Variants in ALK observed in about 807,000 individuals in gnomAD.
ALK encodes ALK tyrosine kinase receptor.
Under a neutral mutation model 163.1 loss-of-function variants are expected in ALK, and 74 were observed. The ratio of observed to expected loss-of-function variants is 0.45; its 90% CI spans 0.38 to 0.55. The LOEUF (loss-of-function observed/expected upper bound fraction) is 0.55. Ranked by LOEUF, ALK falls within the 20% of genes least tolerant of loss-of-function variation. The probability of loss-of-function intolerance (pLI) is 0.00; values close to 1 mark genes in which losing one functional copy is unlikely to be tolerated. For synonymous variants in ALK, 960 were observed against 843.2 expected, an observed-to-expected ratio of 1.14 and a Z score of -2.40; for missense variants, 2,063 against 2,105.3, an observed-to-expected ratio of 0.98 and a Z score of 0.39.
intron 1 of ALK, among the ~76,000 whole-genome samples, chr2:29,814,704 T>C (rs1018962419): frequency 6.6e-6 from 1 of 151,984 alleles, no homozygotes; most frequent in Non-Finnish European, 1.5e-5. Flanking sequence ...GAGTCAGGCA[T>C]GCCTAAGCCT....
intron 3 of ALK, among the ~76,000 whole-genome samples, chr2:29,613,917 G>C (rs1165772530): frequency 6.6e-6 from 1 of 152,180 alleles, no homozygotes; most frequent in East Asian, 1.9e-4. Context: ...AGGAAAAAGG[G>C]GGGGTTCTAC....
At chr2:29,328,671 G>A (rs889753992) in intron 5 of ALK, among the ~76,000 whole-genome samples, 190 bp from the exon 6 acceptor site, 1 of 152,216 alleles carries the variant, frequency 6.6e-6, no homozygotes, top group Non-Finnish European at 1.5e-5. Flanking sequence ...GCAGGGAGAG[G>A]GGTCAAAACC....
chr2:29,269,066 G>T (rs1018038166), intron 11 of ALK, among the ~76,000 whole-genome samples: 1 of 152,132 alleles, frequency 6.6e-6, no homozygotes, highest in Admixed American at 6.5e-5. Flanking sequence ...GCATAGCTGG[G>T]GTTTGGACAC....
rs184982093 is a variant in ALK at position 29,873,877 on chromosome 2, G to A, written c.667+46116C>T. Among the ~76,000 whole-genome samples the A allele has an allele frequency of 1.3e-4, 19 of 151,934 alleles. No homozygotes were observed. In the East Asian group the frequency reaches 3.5e-3, roughly 28 times the overall value. ...CACCTCCACTCTGGGCATCAAAATCGCTTTTAATGTCCCCAACAAAGCAGT... is the reference window on the plus strand; with the variant it reads ...CACCTCCACTCTGGGCATCAAAATCACTTTTAATGTCCCCAACAAAGCAGT... On this transcript the variant is annotated intron_variant, in intron 1 of 28. Transcript: ENST00000389048.
At chr2:29,628,701 A>G (rs1455664088) in intron 3 of ALK, among the ~76,000 whole-genome samples, 1 of 152,236 alleles carries the variant, frequency 6.6e-6, no homozygotes, top group Non-Finnish European at 1.5e-5. Flanking sequence ...AATCTCTGGC[A>G]GAGATGAGAT....
intron 11 of ALK, among the ~76,000 whole-genome samples, chr2:29,255,804 A>G (rs1277042348): frequency 1.3e-5 from 2 of 152,100 alleles, no homozygotes; most frequent in Non-Finnish European, 2.9e-5. Flanking sequence ...GACTTTGCAT[A>G]AGGGGACTCT....
At chr2:29,511,805 G>C (rs1219807372) in intron 4 of ALK, among the ~76,000 whole-genome samples, 1 of 152,100 alleles carries the variant, frequency 6.6e-6, no homozygotes, top group Non-Finnish European at 1.5e-5. Context: ...AACAACACTT[G>C]GTATGGTTAG....
intron 1 of ALK, among the ~76,000 whole-genome samples, chr2:29,861,853 C>T (rs1572446708): frequency 6.6e-6 from 1 of 152,072 alleles, no homozygotes; most frequent in African/African-American, 2.4e-5. Flanking sequence ...AGCCAATATC[C>T]TTGAACACAG....
intron 3 of ALK, among the ~76,000 whole-genome samples, chr2:29,681,831 A>G (rs1678080205): frequency 6.6e-6 from 1 of 151,064 alleles, no homozygotes; most frequent in Non-Finnish European, 1.5e-5. Context: ...AAGGACACTG[A>G]GTTTTCATCC....
intron 1 of ALK, among the ~76,000 whole-genome samples, chr2:29,907,580 G>A (rs185925199): frequency 6.7e-4 from 102 of 152,282 alleles, no homozygotes; most frequent in Non-Finnish European, 1.1e-3. Context: ...CTTCTTGTAA[G>A]AAAATTCTTT....
intron 1 of ALK, among the ~76,000 whole-genome samples, chr2:29,860,909 A>T (rs941300488): frequency 6.6e-6 from 1 of 152,176 alleles, no homozygotes; most frequent in Non-Finnish European, 1.5e-5. Context: ...TATCTACATT[A>T]AAAAAGAAGA....
chr2:29,726,209 A>T (rs145164355), intron 1 of ALK, among the ~76,000 whole-genome samples: 8 of 151,982 alleles, frequency 5.3e-5, no homozygotes, highest in Non-Finnish European at 8.8e-5. Flanking sequence ...GGGCAACATG[A>T]CTCTCTGTTT....
At chr2:29,284,234 G>C (rs1337947195) in intron 9 of ALK, among the ~76,000 whole-genome samples, 1 of 152,144 alleles carries the variant, frequency 6.6e-6, no homozygotes, top group Non-Finnish European at 1.5e-5. Flanking sequence ...ACCCAGGTGT[G>C]GAACCCAGGT....
chr2:29,820,203 G>T (rs1665011102), intron 1 of ALK, among the ~76,000 whole-genome samples: 2 of 152,132 alleles, frequency 1.3e-5, no homozygotes, highest in African/African-American at 2.4e-5. Flanking sequence ...TCCTCTCTTG[G>T]ACCACTTGCT....
chr2:29,753,887 A>G (rs1374188184), intron 1 of ALK, among the ~76,000 whole-genome samples: 1 of 152,266 alleles, frequency 6.6e-6, no homozygotes, highest in Non-Finnish European at 1.5e-5. Context: ...ACCAAAATAC[A>G]GTCAGCAGCC....
At chr2:29,689,980 C>T (rs867412840) in intron 3 of ALK, among the ~76,000 whole-genome samples, 1 of 152,198 alleles carries the variant, frequency 6.6e-6, no homozygotes, top group South Asian at 2.1e-4. Context: ...GGTACTAACC[C>T]TGCAGACATC....
At chr2:29,355,452 C>T (rs184611975) in intron 5 of ALK, among the ~76,000 whole-genome samples, 11 of 152,186 alleles carry the variant, frequency 7.2e-5, no homozygotes, top group Admixed American at 5.9e-4. Flanking sequence ...CCTATGCTCC[C>T]TGCTAACACA....
At chr2:29,844,694 T>C (rs1321052910) in intron 1 of ALK, among the ~76,000 whole-genome samples, 1 of 152,124 alleles carries the variant, frequency 6.6e-6, no homozygotes, top group East Asian at 1.9e-4. Context: ...ATTTCTACGA[T>C]TCATGAGCCG....
chr2:29,794,387 T>A (rs1664256724), intron 1 of ALK, among the ~76,000 whole-genome samples: 1 of 152,182 alleles, frequency 6.6e-6, no homozygotes, highest in South Asian at 2.1e-4. Context: ...ATAAGGCTGT[T>A]TTGCTTTAAA....
Sources: allele counts gnomAD v4.1 joint callset (sites outside exome capture counted in the v4.1 genomes callset), GRCh38; gene constraint gnomAD v4.1.1; transcripts MANE v1.5; gene names NCBI Gene and HGNC (gene_info 2026-07-23, HGNC 2026-07-21).